PRDM6: variants seen among roughly 807,000 people sequenced by gnomAD.
The protein encoded by PRDM6 is putative histone-lysine N-methyltransferase PRDM6.
A neutral mutation model predicts 60.8 loss-of-function variants in PRDM6; 25 were observed. The observed-to-expected ratio is 0.41, with a 90% CI of 0.30 to 0.57. The LOEUF (loss-of-function observed/expected upper bound fraction) is 0.57, where lower values mean the gene tolerates loss of function less well. PRDM6 is among the 20% of genes least tolerant of loss of function. PRDM6 has a pLI of 0.27. For missense variants in PRDM6, 839 were observed against 821.3 expected, an observed-to-expected ratio of 1.02 and a Z score of -0.26; for synonymous variants, 407 against 357.4, an observed-to-expected ratio of 1.14 and a Z score of -1.57.
intron 6 of PRDM6, 76 bp from the exon 7 acceptor site, chr5:123,180,071 C>T (rs1378082187): frequency 7.3e-7 from 1 of 1,372,816 alleles, no homozygotes; most frequent in Non-Finnish European, 9.8e-7. Context: ...TAAGTTTTGG[C>T]CCCTTGTCAT....
intron 7 of PRDM6, among the ~76,000 whole-genome samples, chr5:123,181,285 G>C (rs1766153891): frequency 6.6e-6 from 1 of 152,168 alleles, no homozygotes; most frequent in Non-Finnish European, 1.5e-5. Flanking sequence ...ACGTATTATA[G>C]GGTGAAAAGT....
intron 3 of PRDM6, among the ~76,000 whole-genome samples, chr5:123,103,955 G>A (rs1487166387): frequency 6.6e-6 from 1 of 151,936 alleles, no homozygotes; most frequent in Non-Finnish European, 1.5e-5. Context: ...TACTAGAAAG[G>A]GCTTTAATTT....
At chr5:123,135,755 A>G (rs1764937552) in intron 3 of PRDM6, among the ~76,000 whole-genome samples, 1 of 152,192 alleles carries the variant, frequency 6.6e-6, no homozygotes, top group Non-Finnish European at 1.5e-5. Context: ...CAAACTGCTG[A>G]ATTTTGGATG....
At chr5:123,089,978 C>T (rs1243567445) in intron 1 of PRDM6, 22 bp from the exon 2 acceptor site, 6 of 1,515,178 alleles carry the variant, frequency 4.0e-6, no homozygotes, top group African/African-American at 1.4e-5. Flanking sequence ...CGCGCCCCCT[C>T]TTCCCTGCCC....
intron 3 of PRDM6, among the ~76,000 whole-genome samples, chr5:123,133,284 A>T (rs1764876166): frequency 6.6e-6 from 1 of 152,148 alleles, no homozygotes. Flanking sequence ...CAGGAATCTT[A>T]TATAAATCCT....
intron 2 of PRDM6, among the ~76,000 whole-genome samples, chr5:123,096,256 G>A (rs770654090): frequency 6.7e-4 from 40 of 59,850 alleles, no homozygotes; most frequent in Non-Finnish European, 7.9e-4. Flanking sequence ...GTATTGCTTG[G>A]CTTGGAATGC....
intron 4 of PRDM6, among the ~76,000 whole-genome samples, chr5:123,157,252 C>T (rs181375172): frequency 6.6e-6 from 1 of 152,250 alleles, no homozygotes; most frequent in Admixed American, 6.5e-5. Context: ...AATGAAGTAG[C>T]ACAAGACAGT....
intron 7 of PRDM6, among the ~76,000 whole-genome samples, chr5:123,184,179 G>A (rs1197561250): frequency 1.3e-5 from 2 of 152,094 alleles, no homozygotes; most frequent in African/African-American, 4.8e-5. Flanking sequence ...AGTATTTTGT[G>A]GCATATCATA....
At chr5:123,089,638 C>A in intron 1 of PRDM6, 119 bp downstream of exon 1, 1 of 228,246 alleles carries the variant, frequency 4.4e-6, no homozygotes, top group Non-Finnish European at 8.4e-6. Context: ...GAGGCCAACG[C>A]GGCTCGGGCG....
chr5:123,113,566 C>T (rs1053649073), intron 3 of PRDM6, among the ~76,000 whole-genome samples: 2 of 152,098 alleles, frequency 1.3e-5, no homozygotes, highest in East Asian at 3.9e-4. Context: ...TGCCCAAGGC[C>T]GTATGTAGTA....
chr5:123,119,278 G>T (rs548435324), intron 3 of PRDM6, among the ~76,000 whole-genome samples: 1 of 152,148 alleles, frequency 6.6e-6, no homozygotes, highest in Non-Finnish European at 1.5e-5. Context: ...GAAAAAACAA[G>T]ATGAGAGATT....
chr5:123,154,600 AC>A (rs1265161456), intron 3 of PRDM6, among the ~76,000 whole-genome samples: 2 of 152,098 alleles, frequency 1.3e-5, no homozygotes, highest in Non-Finnish European at 2.9e-5. Flanking sequence ...GCCCGTTTGC[AC>A]CCCCTCCCCC....
At chr5:123,167,462 T>C (rs1765778983) in intron 5 of PRDM6, among the ~76,000 whole-genome samples, 1 of 152,128 alleles carries the variant, frequency 6.6e-6, no homozygotes, top group Non-Finnish European at 1.5e-5. Context: ...CGGTCTCGGC[T>C]CACCGCAACC....
At chr5:123,150,280 G>T (rs1765344544) in intron 3 of PRDM6, among the ~76,000 whole-genome samples, 2 of 152,088 alleles carry the variant, frequency 1.3e-5, no homozygotes, top group South Asian at 2.1e-4. Flanking sequence ...TAACTCACAT[G>T]CATTGAAACT....
chr5:123,106,522 A>C (rs1561810474), intron 3 of PRDM6, among the ~76,000 whole-genome samples: 1 of 152,246 alleles, frequency 6.6e-6, no homozygotes, highest in South Asian at 2.1e-4. Context: ...AGTGCATTAC[A>C]GTTCAATGAC....
chr5:123,097,036 A>G lies in PRDM6; in HGVS notation c.593-2618A>G, dbSNP rs75529033. 4.7e-3 allele frequency among the ~76,000 whole-genome samples: 718 copies of G among 152,328 alleles called. 6 individuals are homozygous for G. Among genetic ancestry groups the G allele is most frequent in the Middle Eastern group, 0.02 (6 of 294 alleles). On this transcript the variant is annotated intron_variant, in intron 2 of 7. Coordinates refer to ENST00000407847, the MANE Select transcript of PRDM6 (RefSeq NM_001136239.4). ...ATTTGCATCATTGAGTCAAGCAGAA[A>G]AAAAAATCAGTTAAGTAACTCCCTG... is the stretch of plus-strand genomic sequence containing the variant.
chr5:123,089,993 C>A lies in PRDM6; in HGVS notation c.-15-7C>A. 1 of 1,536,282 alleles carries A rather than the reference C, an allele frequency of 6.5e-7. No individual in the cohort carries two copies. The highest frequency in any genetic ancestry group is 8.8e-7 in the Non-Finnish European group (1 of 1,137,860). On this transcript the variant is annotated splice_region_variant and splice_polypyrimidine_tract_variant and intron_variant, in intron 1 of 7. Transcript: ENST00000407847. ...CGCGCCCCCTCTTCCCTGCCCTCTGCCCCCAGTTCGAGGCGCCGGACATGC... is the reference window on the plus strand; with the variant it reads ...CGCGCCCCCTCTTCCCTGCCCTCTGACCCCAGTTCGAGGCGCCGGACATGC...
Position 123,097,487 on chromosome 5 carries a change from G to A in PRDM6, c.593-2167G>A, listed in dbSNP as rs569931582. ...TTCTTGGTGGAGTAGTAGTGCTTGGGAATTGCTTTATCTGCAGAATGGGAA... is the reference window on the plus strand; with the variant it reads ...TTCTTGGTGGAGTAGTAGTGCTTGGAAATTGCTTTATCTGCAGAATGGGAA... On this transcript the variant is annotated intron_variant, in intron 2 of 7. Coordinates refer to ENST00000407847, the MANE Select transcript of PRDM6 (RefSeq NM_001136239.4). Among the ~76,000 whole-genome samples, 10 of 152,166 alleles carry A rather than the reference G, an allele frequency of 6.6e-5. No individual in the cohort carries two copies. The South Asian group carries it at 1.9e-3, about 29-fold the overall frequency.
intron 3 of PRDM6, among the ~76,000 whole-genome samples, chr5:123,132,620 T>C (rs1764857637): frequency 6.6e-6 from 1 of 152,148 alleles, no homozygotes; most frequent in South Asian, 2.1e-4. Context: ...TGCTGAGTGG[T>C]TGGCCCAGAC....
Sources: allele counts gnomAD v4.1 joint callset (sites outside exome capture counted in the v4.1 genomes callset), GRCh38; gene constraint gnomAD v4.1.1; transcripts MANE v1.5; gene names NCBI Gene and HGNC (gene_info 2026-07-23, HGNC 2026-07-21).